Variants in DDX46 observed in about 807,000 individuals in gnomAD.
The protein encoded by DDX46 is DEAD-box helicase 46.
A neutral mutation model predicts 134.9 loss-of-function variants in DDX46; 30 were observed. The ratio of observed to expected loss-of-function variants is 0.22; its 90% CI spans 0.17 to 0.30. The LOEUF (loss-of-function observed/expected upper bound fraction) is 0.30. Among genes scored for constraint, DDX46 ranks in the 10% least tolerant of loss-of-function variants. The pLI, the probability that DDX46 is intolerant of heterozygous loss-of-function variation, is 1.00. For synonymous variants in DDX46, 415 were observed against 404.1 expected (o/e 1.03, Z -0.32); for missense variants, 622 against 1,248.7 (o/e 0.50, Z 7.56).
chr5:134,767,631 G>A (rs113433993), intron 3 of DDX46, among the ~76,000 whole-genome samples: 7,265 of 151,420 alleles, frequency 0.048, 273 homozygotes, highest in Non-Finnish European at 0.064. Flanking sequence ...CTGAGCCACC[G>A]CGCCCAGCCA....
intron 6 of DDX46, among the ~76,000 whole-genome samples, chr5:134,780,532 C>T (rs985938222): frequency 1.3e-5 from 2 of 148,482 alleles, no homozygotes; most frequent in Non-Finnish European, 3.0e-5. Context: ...CCATTGCACT[C>T]CAGCCTGGGT....
intron 11 of DDX46, 116 bp from the exon 12 acceptor site, chr5:134,788,397 A>G: frequency 1.3e-6 from 1 of 748,434 alleles, no homozygotes; most frequent in Non-Finnish European, 2.2e-6. Flanking sequence ...ATTCAAAATA[A>G]TTAAGCAGGA....
intron 13 of DDX46, among the ~76,000 whole-genome samples, chr5:134,793,002 TA>T (rs1754548661): frequency 6.6e-6 from 1 of 151,812 alleles, no homozygotes; most frequent in African/African-American, 2.4e-5. Context: ...CAAAAAAATA[TA>T]AAAATTAGCT....
At position 134,780,138 on chromosome 5, in the gene DDX46, G is replaced by GTGTGTGTGTGTGTGTA. The variant is rs1158560431; in HGVS notation, c.766-994_766-993insGTGTGTGTGTGTGTAT. 1.1e-4 allele frequency among the ~76,000 whole-genome samples: 15 copies of GTGTGTGTGTGTGTGTA among 142,424 alleles called. No homozygotes were observed. The East Asian group carries it at 2.1e-3, about 20-fold the overall frequency. 93.4% of individuals were successfully genotyped at this position (142,424 alleles called of 152,430 possible). A position where few individuals can be genotyped will look rare whatever the true frequency, so the allele number is the denominator to read the frequency against. On this transcript the variant is annotated intron_variant, in intron 6 of 22. Transcript: ENST00000452510. The stretch of plus-strand genomic sequence containing the variant: ...TGTGTGTGTGTGTGTGTGTGTGTGT[G>GTGTGTGTGTGTGTGTA]TATATGTATATATGTGCATGTATAT...
rs1180909732 is a variant in DDX46 at position 134,820,864 on chromosome 5, CTTTTTTTTTT to C, written c.2977+1870_2977+1879del. On this transcript the variant is annotated intron_variant, in intron 21 of 22. Transcript: ENST00000452510. ...TTAGAGTAATCTTTTCTTTTCTTTT[CTTTTTTTTTT>C]TTTTTTTTTGAGACAAAGTCCCACT... 1.0e-2 allele frequency among the ~76,000 whole-genome samples: 1,230 copies of C among 123,240 alleles called. 22 individuals carry two copies. The highest frequency in any genetic ancestry group is 0.035 in the African/African-American group (1,118 of 32,276). The allele number at this position is 123,240 out of a possible 152,430, so 80.9% of individuals were successfully genotyped here.
intron 3 of DDX46, among the ~76,000 whole-genome samples, chr5:134,769,017 C>A (rs1753672127): frequency 1.3e-5 from 2 of 152,108 alleles, no homozygotes; most frequent in African/African-American, 4.8e-5. Context: ...GAGATTGCGC[C>A]ACTGCACTCC....
chr5:134,797,831 A>G (rs2150149882), intron 15 of DDX46, among the ~76,000 whole-genome samples: 1 of 152,320 alleles, frequency 6.6e-6, no homozygotes, highest in Middle Eastern at 3.4e-3. Flanking sequence ...ATTTATTTTG[A>G]GACAGAGTTT....
intron 4 of DDX46, 134 bp from the exon 5 acceptor site, chr5:134,773,562 G>T: frequency 1.2e-6 from 1 of 868,774 alleles, no homozygotes. Context: ...TACCCTGAGG[G>T]GTTTGTATAT....
At chr5:134,780,564 C>CAATA (rs10655595) in intron 6 of DDX46, among the ~76,000 whole-genome samples, 28,379 of 142,146 alleles carry the variant, frequency 0.2, 2,908 homozygotes, top group Middle Eastern at 0.31. Context: ...AACTTTATCT[C>CAATA]AATAAATAAA....
chr5:134,774,493 G>A (rs1003594260), intron 5 of DDX46, among the ~76,000 whole-genome samples: 5 of 152,180 alleles, frequency 3.3e-5, no homozygotes, highest in Non-Finnish European at 7.4e-5. Context: ...AATTGAGATT[G>A]TAAAAGCTCC....
chr5:134,780,100 G>A lies in DDX46; in HGVS notation c.766-1033G>A, dbSNP rs1455805387. Among the ~76,000 whole-genome samples, 9 of 53,360 alleles carry A rather than the reference G, an allele frequency of 1.7e-4. No individual in the cohort carries two copies. In the East Asian group the frequency reaches 4.2e-3, roughly 25 times the overall value. 35.0% of individuals were successfully genotyped at this position (53,360 alleles called of 152,430 possible). A position where few individuals can be genotyped will look rare whatever the true frequency, so the allele number is the denominator to read the frequency against. On this transcript the variant is annotated intron_variant, in intron 6 of 22. Coordinates refer to ENST00000452510, the MANE Select transcript of DDX46 (RefSeq NM_001300860.2). The stretch of plus-strand genomic sequence containing the variant: ...AAGACTCAGTCTGAAAAAAATATAT[G>A]TGTGTGTGTGTGTGTGTGTGTGTGT...
rs367926830 is a variant in DDX46 at position 134,764,086 on chromosome 5, G to A, written c.200G>A (p.Arg67His). ...AGATCTCGGTCAAGGGACAGGAAGC[G>A]TCTGAGGTAAGACATTAATTAATTT... is the stretch of plus-strand genomic sequence containing the variant. Reference protein sequence around the residue: ...KRRSRSRDRKRLRRSRSRERD... With the variant: ...KRRSRSRDRKHLRRSRSRERD... The change falls in exon 2 of 23, where the codon CGT becomes CAT. Residue 67 changes from arginine to histidine, a missense_variant. Around this residue, in one of 8 missense-constraint regions of DDX46, gnomAD observed 244 missense variants for 349.3 expected, o/e 0.70. Coordinates refer to ENST00000452510, the MANE Select transcript of DDX46 (RefSeq NM_001300860.2). The A allele has an allele frequency of 9.9e-6, 16 of 1,608,926 alleles. No individual in the cohort carries two copies. Among genetic ancestry groups the A allele is most frequent in the South Asian group, 1.1e-5 (1 of 90,248 alleles).
chr5:134,773,986 TTCA>T lies in DDX46; in HGVS notation c.613+130_613+132del, dbSNP rs1753856072. 4 of 1,016,962 alleles carry T rather than the reference TTCA, an allele frequency of 3.9e-6. No individual in the cohort carries two copies. The Admixed American group carries it at 1.0e-4, about 25-fold the overall frequency. The allele number at this position is 1,016,962 out of a possible 1,614,324, so 63.0% of individuals were successfully genotyped here. On this transcript the variant is annotated intron_variant, in intron 5 of 22. Transcript: ENST00000452510. ...TATGCATAATATGCTGTTTACCATT[TTCA>T]TCATTTTCAGGTTTCAATTCAGTGA...
chr5:134,782,999 G>A lies in DDX46; in HGVS notation c.1100G>A (p.Cys367Tyr). ...GGCATTACAGTTAAAGGAAAAGGTT[G>A]CCCCAAACCAATTAAATCCTGGGTC... ...MEGITVKGKG[C>Y]PKPIKSWVQC... is the part of the protein sequence containing the mutation. Residue 367 changes from cysteine (C) to tyrosine (Y), a missense_variant, in exon 9 of 23, where the codon TGC (cysteine) becomes TAC (tyrosine). Physicochemically the swap from Cys to Tyr is radical, Grantham distance 194. Around this residue, in one of 8 missense-constraint regions of DDX46, gnomAD observed 63 missense variants for 84.0 expected, o/e 0.75. Coordinates refer to ENST00000452510, the MANE Select transcript of DDX46 (RefSeq NM_001300860.2). The A allele has an allele frequency of 6.2e-7, 1 of 1,613,800 alleles. No homozygotes were observed. Among genetic ancestry groups the A allele is most frequent in the South Asian group, 1.1e-5 (1 of 91,068 alleles).
chr5:134,760,439 C>A (rs917899859), intron 1 of DDX46, among the ~76,000 whole-genome samples: 2 of 152,102 alleles, frequency 1.3e-5, no homozygotes, highest in Non-Finnish European at 2.9e-5. Flanking sequence ...GAGGTAGGTC[C>A]TGAATAGGAC....
At position 134,788,090 on chromosome 5, in the gene DDX46, A is replaced by G. The variant is rs577397412; in HGVS notation, c.1465-423A>G. Among the ~76,000 whole-genome samples, 159 of 151,910 alleles carry G rather than the reference A, an allele frequency of 1.0e-3. 1 individual carries two copies. Among genetic ancestry groups the G allele is most frequent in the African/African-American group, 3.6e-3 (148 of 41,418 alleles). On this transcript the variant is annotated intron_variant, in intron 11 of 22. Transcript: ENST00000452510. ...TGATTTCATGATTCACTAATGTGGCAACCCTCAATTTGAAAAACACTAGTC... is the reference window on the plus strand; with the variant it reads ...TGATTTCATGATTCACTAATGTGGCGACCCTCAATTTGAAAAACACTAGTC...
intron 2 of DDX46, among the ~76,000 whole-genome samples, chr5:134,765,381 T>TA (rs751912543): frequency 0.14 from 14,079 of 97,122 alleles, 1,000 homozygotes; most frequent in East Asian, 0.29. Flanking sequence ...CCGTCTCTAC[T>TA]AAAAAAAAAA....
chr5:134,793,407 A>G (rs1395092055), intron 13 of DDX46, among the ~76,000 whole-genome samples: 1 of 151,656 alleles, frequency 6.6e-6, no homozygotes, highest in Non-Finnish European at 1.5e-5. Flanking sequence ...GAGAATTGGG[A>G]ATTATTTTTA....
chr5:134,816,020 T>C (rs989067773), intron 18 of DDX46, among the ~76,000 whole-genome samples: 24 of 152,020 alleles, frequency 1.6e-4, no homozygotes, highest in African/African-American at 5.8e-4. Context: ...TTATAGTCCT[T>C]CTTCCAGCCT....
Sources: gnomAD v4.1 joint callset for allele counts (sites outside exome capture counted in the v4.1 genomes callset) on GRCh38, gnomAD v4.1.1 for gene constraint, gnomAD v4.1.1 regional missense constraint, MANE v1.5 for transcripts, NCBI Gene and HGNC (gene_info 2026-07-23, HGNC 2026-07-21) for gene names.